Variants in KCNQ4 observed in about 807,000 individuals in gnomAD.
The protein encoded by KCNQ4 is potassium voltage-gated channel subfamily KQT member 4.
KCNQ4 carries 31 observed loss-of-function variants against 72.6 expected under a neutral mutation model. The ratio of observed to expected loss-of-function variants is 0.43; its 90% CI spans 0.32 to 0.58. The LOEUF (loss-of-function observed/expected upper bound fraction) is 0.58. KCNQ4 is among the 20% of genes least tolerant of loss of function. KCNQ4 has a pLI of 0.08. For missense variants in KCNQ4, 869 were observed against 962.6 expected (o/e 0.90, Z 1.29); for synonymous variants, 405 against 403.7 (o/e 1.00, Z -0.04).
intron 1 of KCNQ4, among the ~76,000 whole-genome samples, chr1:40,807,850 TA>T (rs1248979607): frequency 2.0e-5 from 3 of 152,160 alleles, no homozygotes; most frequent in African/African-American, 7.2e-5. Flanking sequence ...GGCCCTGGTC[TA>T]GGGGGCAAGG....
At chr1:40,809,166 T>C (rs1016731031) in intron 1 of KCNQ4, among the ~76,000 whole-genome samples, 1 of 152,202 alleles carries the variant, frequency 6.6e-6, no homozygotes, top group African/African-American at 2.4e-5. Context: ...GACACTTCTC[T>C]CTTCTGCTTT....
In KCNQ4 at chr1:40,837,670, A is replaced by G; in HGVS notation, c.1751A>G (p.Asp584Gly). Residue 584 changes from aspartate to glycine, a missense_variant, in exon 13 of 14, where the codon GAC becomes GGC. This residue lies in a region of KCNQ4 where 480 missense variants were observed against 501.9 expected (regional missense o/e 0.96). Transcript: ENST00000347132. ...GATGGTTCCCTTACCCTTAGGGTGGACCAAATTGTGGGTCGGGGGCCCGGG... is the reference window on the plus strand; with the variant it reads ...GATGGTTCCCTTACCCTTAGGGTGGGCCAAATTGTGGGTCGGGGGCCCGGG... Reference protein sequence around the residue: ...GRIKSLQTRVDQIVGRGPGDR... With the variant: ...GRIKSLQTRVGQIVGRGPGDR... 6.2e-7 allele frequency: 1 copy of G among 1,612,944 alleles called. No homozygotes were observed. Among genetic ancestry groups the G allele is most frequent in the South Asian group, 1.1e-5 (1 of 90,910 alleles).
rs759364617 is a variant in KCNQ4, at chr1:40,833,079, A to T, written c.1579A>T (p.Met527Leu). Residue 527 changes from methionine to leucine, a missense_variant, in exon 11 of 14, where the codon ATG becomes TTG. By Grantham distance (15) the Met-to-Leu change is conservative. This residue lies in a region of KCNQ4 where 480 missense variants were observed against 501.9 expected (regional missense o/e 0.96). Transcript: ENST00000347132. ...YQCELTVDDI[M>L]PAVKTVIRSI... ...GTGTGAGCTCACGGTGGACGACATC[A>T]TGCCTGCTGTGAAGACAGTCATCCG... The T allele has an allele frequency of 3.3e-5, 54 of 1,612,842 alleles. No homozygotes were observed. The highest frequency in any genetic ancestry group is 4.1e-5 in the Non-Finnish European group (48 of 1,179,962).
At chr1:40,824,354 C>A in intron 9 of KCNQ4, 96 bp downstream of exon 9, 3 of 1,366,038 alleles carry the variant, frequency 2.2e-6, no homozygotes, top group Non-Finnish European at 3.0e-6. Flanking sequence ...TCAGCCACTT[C>A]GTGGGTGTCT....
chr1:40,819,205 C>A, intron 4 of KCNQ4, 142 bp from the exon 5 acceptor site: 3 of 990,024 alleles, frequency 3.0e-6, no homozygotes, highest in Non-Finnish European at 4.6e-6. Flanking sequence ...GCAGGGTCGC[C>A]GTGATGGGAG....
intron 1 of KCNQ4, among the ~76,000 whole-genome samples, chr1:40,802,524 T>TC (rs1403129129): frequency 6.6e-6 from 1 of 151,656 alleles, no homozygotes; most frequent in Non-Finnish European, 1.5e-5. Flanking sequence ...CGCCCACCAT[T>TC]CCCCGCCCCC....
At chr1:40,819,095 C>T (rs1288529671) in intron 4 of KCNQ4, 8 of 528,910 alleles carry the variant, frequency 1.5e-5, no homozygotes, top group Non-Finnish European at 2.4e-5. Context: ...TGCTGGAGTC[C>T]TGAGCCTGGA....
intron 12 of KCNQ4, among the ~76,000 whole-genome samples, chr1:40,836,711 A>AAAAAC (rs1558035411): frequency 5.3e-5 from 8 of 152,192 alleles, no homozygotes; most frequent in Non-Finnish European, 1.2e-4. Context: ...GGTGTTTCAA[A>AAAAAC]TGAAGAAAGG....
rs763326539 is a variant in KCNQ4, at chr1:40,819,470, A to G, written c.832A>G (p.Thr278Ala). 10 of 1,613,312 alleles carry G rather than the reference A, an allele frequency of 6.2e-6. No homozygotes were observed. The Admixed American group carries it at 1.5e-4, about 24-fold the overall frequency. ...CTACGCCGACTCGCTCTGGTGGGGG[A>G]CGGTGCGTGAGGGTCTTTGTAGGGC... is the stretch of plus-strand genomic sequence containing the variant. The part of the protein sequence containing the change: ...SSYADSLWWG[T>A]ITLTTIGYGD... The change falls in exon 5 of 14, where the codon ACG becomes GCG. Residue 278 changes from threonine to alanine, a missense_variant and splice_region_variant. Transcript: ENST00000347132.
At position 40,817,285 on chromosome 1, in the gene KCNQ4, G is replaced by T. The variant is rs1648113118; in HGVS notation, c.335G>T (p.Cys112Phe). Residue 112 changes from cysteine to phenylalanine, a missense_variant, in exon 2 of 14, where the codon TGC (cysteine) becomes TTC (phenylalanine). This residue lies in a region of KCNQ4 where 179 missense variants were observed against 243.0 expected (regional missense o/e 0.74). Coordinates refer to ENST00000347132, the MANE Select transcript of KCNQ4 (RefSeq NM_004700.4). This position sits in a 1 kb window ranked among gnomAD's most constrained non-coding sequence, Gnocchi z 5.5. The stretch of plus-strand genomic sequence containing the variant: ...TGCAGATTTTTGCTGGTCTTCAGCT[G>T]CCTGGTGCTGTCTGTGCTGTCCACT... ...HVFIFLLVFS[C>F]LVLSVLSTIQ... The T allele has an allele frequency of 6.2e-7, 1 of 1,613,772 alleles. No homozygotes were observed. The highest frequency in any genetic ancestry group is 1.7e-5 in the Admixed American group (1 of 59,986).
At position 40,788,189 on chromosome 1, in the gene KCNQ4, G is replaced by C. The variant is rs1409262851; in HGVS notation, c.314+3782G>C. On this transcript the variant is annotated intron_variant, in intron 1 of 13. Transcript: ENST00000347132. The surrounding 1 kb of genome is among the most constrained non-coding windows in gnomAD (Gnocchi z 4.5). ...AGCAAAGTGTCCTCAGAACCCTCAG[G>C]CATCCCCGCTAGGTCAGTCGGTCCT... Among the ~76,000 whole-genome samples, 5 of 152,214 alleles carry C rather than the reference G, an allele frequency of 3.3e-5. No individual in the cohort carries two copies. In the East Asian group the frequency reaches 9.7e-4, roughly 29 times the overall value.
chr1:40,801,376 A>T (rs1355307863), intron 1 of KCNQ4, among the ~76,000 whole-genome samples: 1 of 152,126 alleles, frequency 6.6e-6, no homozygotes, highest in Non-Finnish European at 1.5e-5. Context: ...ACTCACCCTA[A>T]ACCCCCTCTC....
At chr1:40,802,309 C>T (rs756145793) in intron 1 of KCNQ4, among the ~76,000 whole-genome samples, 24 of 151,928 alleles carry the variant, frequency 1.6e-4, no homozygotes, top group Non-Finnish European at 3.1e-4. Context: ...GGGGACGCGG[C>T]GGCACCTTCA....
At chr1:40,835,851 A>C (rs1440658675) in intron 12 of KCNQ4, among the ~76,000 whole-genome samples, 11 of 152,198 alleles carry the variant, frequency 7.2e-5, no homozygotes, top group Non-Finnish European at 1.6e-4. Flanking sequence ...AGGACTTGAG[A>C]GGGGCAAGTG....
At position 40,784,144 on chromosome 1, in the gene KCNQ4, C is replaced by T. The variant is rs1175167086; in HGVS notation, c.51C>T (p.Asp17=). ...TCGGCCTGGGTCCCCCGCCCGGGGACGCCCCCCGCGCGGAGCTAGTGGCGC... is the reference window on the plus strand; with the variant it reads ...TCGGCCTGGGTCCCCCGCCCGGGGATGCCCCCCGCGCGGAGCTAGTGGCGC... ...RRLGLGPPPG[D]APRAELVALT... is the part of the protein sequence containing the mutation. Residue 17 remains aspartate (D), a synonymous_variant, in exon 1 of 14, where the codon GAC becomes GAT. Transcript: ENST00000347132. The surrounding 1 kb of genome is among the most constrained non-coding windows in gnomAD (Gnocchi z 4.1). 5 of 1,020,172 alleles carry T rather than the reference C, an allele frequency of 4.9e-6. No homozygotes were observed. Among genetic ancestry groups the T allele is most frequent in the East Asian group, 9.0e-5 (1 of 11,120 alleles). 63.2% of individuals were successfully genotyped at this position (1,020,172 alleles called of 1,614,324 possible).
chr1:40,836,024 G>A (rs1053269501), intron 12 of KCNQ4, among the ~76,000 whole-genome samples: 42 of 151,950 alleles, frequency 2.8e-4, no homozygotes, highest in African/African-American at 9.9e-4. Context: ...AAGCATTGGA[G>A]GGTTTTGTGC....
chr1:40,785,085 G>A (rs2148831130), intron 1 of KCNQ4, among the ~76,000 whole-genome samples: 1 of 152,274 alleles, frequency 6.6e-6, no homozygotes, highest in South Asian at 2.1e-4. Flanking sequence ...GCTTGGCCCA[G>A]CTCGCCTGCC....
chr1:40,789,856 A>G (rs1355345401), intron 1 of KCNQ4, among the ~76,000 whole-genome samples: 4 of 152,324 alleles, frequency 2.6e-5, no homozygotes, highest in Middle Eastern at 3.4e-3. Context: ...GCCTGGGAGC[A>G]GGGAAAAAGG....
rs908865034 is a variant in KCNQ4 at position 40,784,949 on chromosome 1, C to T, written c.314+542C>T. ...GGGTGTGTGGGGGTCCCTGTGGGCCCCCTGGGCCCTGACACTCGCATATGC... is the reference window on the plus strand; with the variant it reads ...GGGTGTGTGGGGGTCCCTGTGGGCCTCCTGGGCCCTGACACTCGCATATGC... On this transcript the variant is annotated intron_variant, in intron 1 of 13. Transcript: ENST00000347132. This position sits in a 1 kb window ranked among gnomAD's most constrained non-coding sequence, Gnocchi z 4.1. Among the ~76,000 whole-genome samples the T allele has an allele frequency of 2.0e-5, 3 of 152,224 alleles. No homozygotes were observed. The highest frequency in any genetic ancestry group is 4.4e-5 in the Non-Finnish European group (3 of 68,046).
Sources: allele counts gnomAD v4.1 joint callset (sites outside exome capture counted in the v4.1 genomes callset), GRCh38; gene constraint gnomAD v4.1.1; regional missense constraint gnomAD v4.1.1; non-coding constraint Gnocchi (gnomAD v3.1); transcripts MANE v1.5; gene names NCBI Gene and HGNC (gene_info 2026-07-23, HGNC 2026-07-21).